The following NLGN4X variants were observed in gnomAD, a reference collection of about 807,000 sequenced individuals.
NLGN4X encodes neuroligin 4 X-linked.
A neutral mutation model predicts 40.3 loss-of-function variants in NLGN4X; 3 were observed. The observed-to-expected ratio is 0.07, with a 90% CI of 0.03 to 0.19. The LOEUF is 0.19. Ranked by LOEUF, NLGN4X falls within the 10% of genes least tolerant of loss-of-function variation. NLGN4X has a pLI of 1.00. For synonymous variants in NLGN4X, 270 were observed against 306.8 expected, an observed-to-expected ratio of 0.88 and a Z score of 1.25; for missense variants, 382 against 708.3, an observed-to-expected ratio of 0.54 and a Z score of 5.23.
intron 2 of NLGN4X, among the ~76,000 whole-genome samples, chrX:6,135,108 CATTT>C (rs1221268170): frequency 8.9e-6 from 1 of 111,997 alleles, no homozygotes; most frequent in Non-Finnish European, 1.9e-5. Context: ...CAGCCTCATT[CATTT>C]GAGGTCACGT....
intron 3 of NLGN4X, among the ~76,000 whole-genome samples, chrX:6,008,900 T>G (rs976910183): frequency 3.6e-5 from 4 of 112,123 alleles, no homozygotes; most frequent in Non-Finnish European, 7.5e-5. Context: ...CTCTGTGAAT[T>G]TGACAACTCT....
intron 2 of NLGN4X, among the ~76,000 whole-genome samples, chrX:6,119,232 G>T (rs2147568411): frequency 8.9e-6 from 1 of 111,950 alleles, no homozygotes; most frequent in East Asian, 2.8e-4. Flanking sequence ...ATGATTGAAT[G>T]CCTATGTTGG....
chrX:5,954,988 T>C (rs965388428), intron 3 of NLGN4X, among the ~76,000 whole-genome samples: 1 of 112,014 alleles, frequency 8.9e-6, no homozygotes, highest in African/African-American at 3.2e-5. Flanking sequence ...GAATGTAGCA[T>C]GTAGATGCTC....
At chrX:5,920,260 G>A (rs981128253) in intron 3 of NLGN4X, among the ~76,000 whole-genome samples, 1 of 112,434 alleles carries the variant, frequency 8.9e-6, no homozygotes, top group African/African-American at 3.2e-5. Context: ...AAGGAAATGT[G>A]AAAGAACGTT....
chrX:6,135,693 G>A (rs999723552), intron 2 of NLGN4X, among the ~76,000 whole-genome samples: 6 of 111,282 alleles, frequency 5.4e-5, no homozygotes, highest in South Asian at 3.8e-4. Context: ...AGGCCAGTAC[G>A]CATAGTTGCT....
At chrX:5,999,498 C>G (rs188986561) in intron 3 of NLGN4X, among the ~76,000 whole-genome samples, 2,442 of 111,945 alleles carry the variant, frequency 0.022, 82 homozygotes, top group East Asian at 0.17. Context: ...ATGCAATCAT[C>G]AGAACCAAGA....
chrX:6,211,478 G>A (rs2147879231), intron 1 of NLGN4X, among the ~76,000 whole-genome samples: 2 of 111,850 alleles, frequency 1.8e-5, no homozygotes, highest in East Asian at 5.6e-4. Context: ...TCCTAAAATA[G>A]CTTATGCTAT....
At chrX:5,993,825 G>C (rs1345412255) in intron 3 of NLGN4X, among the ~76,000 whole-genome samples, 1 of 111,546 alleles carries the variant, frequency 9.0e-6, no homozygotes, top group Non-Finnish European at 1.9e-5. Flanking sequence ...AACAGGTGAG[G>C]ATCACAGAAG....
At chrX:6,196,907 C>T (rs1424545355) in intron 1 of NLGN4X, among the ~76,000 whole-genome samples, 1 of 111,786 alleles carries the variant, frequency 8.9e-6, no homozygotes, top group African/African-American at 3.3e-5. Flanking sequence ...TTGGAAATCC[C>T]AAGCACTGAG....
At chrX:5,894,030 G>A (rs1247951935) in intron 5 of NLGN4X, among the ~76,000 whole-genome samples, 7 of 112,176 alleles carry the variant, frequency 6.2e-5, no homozygotes, top group Admixed American at 9.4e-5. Context: ...CACTCTTGTC[G>A]AACTGTAAAA....
chrX:5,960,845 A>G (rs763208480), intron 3 of NLGN4X, among the ~76,000 whole-genome samples: 13 of 111,323 alleles, frequency 1.2e-4, no homozygotes, highest in Non-Finnish European at 2.1e-4. Context: ...TTTTAGGGCA[A>G]GGTTCTAGCA....
chrX:6,044,152 G>A (rs1047242305), intron 2 of NLGN4X, among the ~76,000 whole-genome samples: 8 of 67,545 alleles, frequency 1.2e-4, no homozygotes, highest in Non-Finnish European at 1.2e-4. Context: ...TCACACAGGT[G>A]TGTGCCTGTA....
chrX:5,990,148 C>T (rs1374445647), intron 3 of NLGN4X, among the ~76,000 whole-genome samples: 1 of 107,538 alleles, frequency 9.3e-6, no homozygotes, highest in Non-Finnish European at 1.9e-5. Flanking sequence ...CAACAAGCGG[C>T]GAAGACAAAA....
intron 2 of NLGN4X, among the ~76,000 whole-genome samples, chrX:6,081,307 G>A (rs1463980831): frequency 9.0e-6 from 1 of 111,574 alleles, no homozygotes; most frequent in Non-Finnish European, 1.9e-5. Context: ...TGTAGAGACG[G>A]GGTCTCATTA....
intron 2 of NLGN4X, among the ~76,000 whole-genome samples, chrX:6,137,419 CAT>C (rs764603752): frequency 8.9e-6 from 1 of 111,865 alleles, no homozygotes; most frequent in East Asian, 2.8e-4. Flanking sequence ...GGAGTTAAGA[CAT>C]AAACAATTTT....
intron 1 of NLGN4X, among the ~76,000 whole-genome samples, chrX:6,224,272 G>C (rs1405403808): frequency 1.8e-5 from 2 of 112,562 alleles, no homozygotes; most frequent in African/African-American, 6.5e-5. Flanking sequence ...TAAAAAGAAA[G>C]AATGTTAAAC....
chrX:6,087,134 A>T (rs1297698865), intron 2 of NLGN4X, among the ~76,000 whole-genome samples: 1 of 112,071 alleles, frequency 8.9e-6, no homozygotes, highest in Non-Finnish European at 1.9e-5. Flanking sequence ...AGAATTTTTT[A>T]AAATCTTAAA....
intron 3 of NLGN4X, among the ~76,000 whole-genome samples, chrX:6,012,609 T>C (rs1025570575): frequency 1.8e-5 from 2 of 111,992 alleles, no homozygotes; most frequent in African/African-American, 6.5e-5. Flanking sequence ...GTGACCCTAT[T>C]TGAAAATAGG....
chrX:6,171,386 G>A (rs73184652), intron 1 of NLGN4X, among the ~76,000 whole-genome samples: 2,138 of 111,972 alleles, frequency 0.019, 19 homozygotes, highest in Non-Finnish European at 0.028. Context: ...TCTCCTTGAA[G>A]TCTCACTCTA....
Sources: gnomAD v4.1 joint callset for allele counts (sites outside exome capture counted in the v4.1 genomes callset) on GRCh38, gnomAD v4.1.1 for gene constraint, MANE v1.5 for transcripts, NCBI Gene and HGNC (gene_info 2026-07-23, HGNC 2026-07-21) for gene names.